The following RBFOX3 variants were observed in gnomAD, a reference collection of about 807,000 sequenced individuals.
The protein encoded by RBFOX3 is RNA binding fox-1 homolog 3.
A neutral mutation model predicts 48.7 loss-of-function variants in RBFOX3; 17 were observed. That is an observed-to-expected ratio of 0.35 (90% CI 0.24 to 0.52). The LOEUF (loss-of-function observed/expected upper bound fraction) is 0.52. RBFOX3 is among the 20% of genes least tolerant of loss of function. The pLI is 0.94. For missense variants in RBFOX3, 382 were observed against 497.5 expected (o/e 0.77, Z 2.21); for synonymous variants, 212 against 209.5 (o/e 1.01, Z -0.10).
At chr17:79,266,052 G>A (rs774834833) in intron 3 of RBFOX3, among the ~76,000 whole-genome samples, 32 of 152,244 alleles carry the variant, frequency 2.1e-4, no homozygotes, top group African/African-American at 6.3e-4. Context: ...CACCCGGACC[G>A]GGCAGGTGAG....
chr17:79,292,777 C>T (rs2073589380), intron 3 of RBFOX3, among the ~76,000 whole-genome samples: 2 of 151,934 alleles, frequency 1.3e-5, no homozygotes, highest in Non-Finnish European at 2.9e-5. Context: ...AGAGACCCTA[C>T]TGTTGTATTC....
chr17:79,547,579 G>C (rs1555792299), intron 1 of RBFOX3, among the ~76,000 whole-genome samples: 2 of 152,176 alleles, frequency 1.3e-5, no homozygotes, highest in East Asian at 1.9e-4. Flanking sequence ...AACTGGAGCT[G>C]AGTCCACTCA....
In RBFOX3 at chr17:79,115,668, GT is replaced by G; in HGVS notation, c.47del (p.Asn16ThrfsTer30). ...GCGGGGCGTACTCGGCAGGGATGCC[GT>G]TCTGTGGCGGAGGGGGGTACTGGGC... ...PPAQYPPPPQNGIPAEYAPPP... is the reference protein window; with the variant it reads ...PPAQYPPPPQXGIPAEYAPPP... On this transcript the variant is annotated frameshift_variant, in exon 5 of 15. Coordinates refer to ENST00000693108, the MANE Select transcript of RBFOX3 (RefSeq NM_001350451.2). LOFTEE classifies it high-confidence loss of function. 1 of 1,074,456 alleles carries G rather than the reference GT, an allele frequency of 9.3e-7. No individual in the cohort carries two copies. The highest frequency in any genetic ancestry group is 1.2e-6 in the Non-Finnish European group (1 of 815,706). 66.6% of individuals were successfully genotyped at this position (1,074,456 alleles called of 1,614,324 possible).
chr17:79,096,171 C>T (rs971940979), intron 12 of RBFOX3, among the ~76,000 whole-genome samples: 1 of 152,212 alleles, frequency 6.6e-6, no homozygotes, highest in Non-Finnish European at 1.5e-5. Context: ...GTCAGTGAGT[C>T]TGAGACAGAG....
At chr17:79,506,114 G>A (rs1208184310) in intron 1 of RBFOX3, among the ~76,000 whole-genome samples, 1 of 152,226 alleles carries the variant, frequency 6.6e-6, no homozygotes, top group East Asian at 1.9e-4. Context: ...AAGAGTAAGG[G>A]AAAGCCAGAA....
At chr17:79,592,279 G>T (rs1474933825) in intron 1 of RBFOX3, among the ~76,000 whole-genome samples, 2 of 141,812 alleles carry the variant, frequency 1.4e-5, no homozygotes, top group Non-Finnish European at 3.1e-5. Flanking sequence ...GGGTGGGGGG[G>T]TGTGGAATAT....
chr17:79,098,741 C>T (rs926096980), intron 9 of RBFOX3: 2 of 152,384 alleles, frequency 1.3e-5, no homozygotes, highest in African/African-American at 2.4e-5. Context: ...CTTGACGAGG[C>T]CCAGCCCCTT....
chr17:79,180,705 G>A (rs1328046580), intron 4 of RBFOX3, among the ~76,000 whole-genome samples: 1 of 152,108 alleles, frequency 6.6e-6, no homozygotes, highest in Admixed American at 6.5e-5. Context: ...CCAGCTGTGT[G>A]TGCTCACCTA....
In RBFOX3 at chr17:79,418,693, C is replaced by T. The variant is rs1364105849; in HGVS notation, c.-175+63761G>A. Among the ~76,000 whole-genome samples, 1 of 152,170 alleles carries T rather than the reference C, an allele frequency of 6.6e-6. No homozygotes were observed. On this transcript the variant is annotated intron_variant, in intron 2 of 14. Coordinates refer to ENST00000693108, the MANE Select transcript of RBFOX3 (RefSeq NM_001350451.2). The surrounding 1 kb of genome is among the most constrained non-coding windows in gnomAD (Gnocchi z 5.0). Reference sequence around the variant, plus strand: ...GATGTGGCTGTGCCAAGTGCCCTGGCATCCCCCAAGTCTGGGTGGCAAATC... The same window carrying T: ...GATGTGGCTGTGCCAAGTGCCCTGGTATCCCCCAAGTCTGGGTGGCAAATC...
rs976284640 is a variant in RBFOX3 at position 79,591,765 on chromosome 17, G to C, written c.-320+19061C>G. ...CTGGTGTGAGGTTATCTGGGAGCCT[G>C]ATGAGGATGGAATAAAAGCTATGTG... is the stretch of plus-strand genomic sequence containing the variant. On this transcript the variant is annotated intron_variant, in intron 1 of 14. Transcript: ENST00000693108. 2.3e-3 allele frequency among the ~76,000 whole-genome samples: 349 copies of C among 152,270 alleles called. 3 individuals carry two copies. Among genetic ancestry groups the C allele is most frequent in the African/African-American group, 7.9e-3 (329 of 41,554 alleles).
intron 4 of RBFOX3, among the ~76,000 whole-genome samples, chr17:79,139,246 C>T (rs1299822051): frequency 2.0e-5 from 3 of 151,664 alleles, no homozygotes; most frequent in Non-Finnish European, 2.9e-5. Flanking sequence ...GCCCCCCCCA[C>T]CCCGACACAG....
At chr17:79,095,104 C>T (rs569688313) in intron 13 of RBFOX3, among the ~76,000 whole-genome samples, 9 of 152,150 alleles carry the variant, frequency 5.9e-5, no homozygotes, top group Non-Finnish European at 8.8e-5. Flanking sequence ...GGGGTACAAG[C>T]GGTCCCCAGA....
intron 2 of RBFOX3, among the ~76,000 whole-genome samples, chr17:79,353,311 G>A (rs559907396): frequency 4.0e-4 from 61 of 152,232 alleles, no homozygotes; most frequent in African/African-American, 1.4e-3. Flanking sequence ...CATGGGGTGG[G>A]ATCTTCCCTT....
At chr17:79,577,058 G>A (rs1386929331) in intron 1 of RBFOX3, among the ~76,000 whole-genome samples, 6 of 152,078 alleles carry the variant, frequency 3.9e-5, no homozygotes, top group African/African-American at 7.2e-5. Flanking sequence ...ACACACAGAC[G>A]ACTCACAGCA....
chr17:79,119,977 G>A lies in RBFOX3; in HGVS notation c.-33-4229C>T, dbSNP rs376287816. Among the ~76,000 whole-genome samples, 10 of 152,346 alleles carry A rather than the reference G, an allele frequency of 6.6e-5. No homozygotes were observed. The East Asian group carries it at 1.5e-3, about 23-fold the overall frequency. ...TATCAGGCCCATCCTGATAGGGTACGTGAATGCCCAGCACACAGAAGGCTG... is the reference window on the plus strand; with the variant it reads ...TATCAGGCCCATCCTGATAGGGTACATGAATGCCCAGCACACAGAAGGCTG... On this transcript the variant is annotated intron_variant, in intron 4 of 14. Transcript: ENST00000693108.
chr17:79,278,580 C>T (rs747980039), intron 3 of RBFOX3, among the ~76,000 whole-genome samples: 9 of 152,194 alleles, frequency 5.9e-5, no homozygotes, highest in Non-Finnish European at 1.2e-4. Context: ...GTGCTGTGGG[C>T]GTGGCCTGTG....
the RBFOX3 span, among the ~76,000 whole-genome samples, chr17:79,617,734 C>A: frequency 6.6e-6 from 1 of 152,224 alleles, no homozygotes; most frequent in Non-Finnish European, 1.5e-5. Context: ...TCGTGGAAGT[C>A]ATCCCCGCAT....
chr17:79,104,737 G>A (rs1030706689), intron 6 of RBFOX3, among the ~76,000 whole-genome samples: 3 of 152,286 alleles, frequency 2.0e-5, no homozygotes, highest in East Asian at 1.9e-4. Context: ...TGAGGCCACC[G>A]GAGAGCAGGA....
intron 1 of RBFOX3, among the ~76,000 whole-genome samples, chr17:79,517,761 C>T (rs951743986): frequency 6.6e-6 from 1 of 152,142 alleles, no homozygotes; most frequent in South Asian, 2.1e-4. Context: ...GTTATCATTT[C>T]GGTAACATCG....
Sources: gnomAD v4.1 joint callset for allele counts (sites outside exome capture counted in the v4.1 genomes callset) on GRCh38, gnomAD v4.1.1 for gene constraint, Gnocchi (gnomAD v3.1) non-coding constraint, MANE v1.5 for transcripts, NCBI Gene and HGNC (gene_info 2026-07-23, HGNC 2026-07-21) for gene names.